The following ABCA3 variants were observed in gnomAD, a reference collection of about 807,000 sequenced individuals.
The protein encoded by ABCA3 is phospholipid-transporting ATPase ABCA3.
ABCA3 carries 88 observed loss-of-function variants against 172.8 expected under a neutral mutation model. The ratio of observed to expected loss-of-function variants is 0.51; its 90% CI spans 0.43 to 0.61. ABCA3 has a LOEUF of 0.61. Ranked by LOEUF, ABCA3 falls within the 20% of genes least tolerant of loss-of-function variation. ABCA3 has a pLI of 0.00. For missense variants in ABCA3, 2,164 were observed against 2,301.0 expected (o/e 0.94, Z 1.22); for synonymous variants, 1,066 against 983.8 (o/e 1.08, Z -1.56).
intron 12 of ABCA3, among the ~76,000 whole-genome samples, chr16:2,301,038 G>A (rs1277754299): frequency 6.7e-6 from 1 of 150,116 alleles, no homozygotes; most frequent in African/African-American, 2.5e-5. Flanking sequence ...AGACCATCCT[G>A]GCTAACACGG....
At chr16:2,291,327 A>G (rs927173745) in intron 19 of ABCA3, among the ~76,000 whole-genome samples, 1 of 151,694 alleles carries the variant, frequency 6.6e-6, no homozygotes, top group African/African-American at 2.4e-5. Context: ...CTCTGTCTCA[A>G]AAAAAAAGAG....
intron 11 of ABCA3, among the ~76,000 whole-genome samples, chr16:2,304,437 A>T (rs1490180244): frequency 6.6e-6 from 1 of 151,872 alleles, no homozygotes; most frequent in Non-Finnish European, 1.5e-5. Flanking sequence ...ACACACGTAC[A>T]TATGCACCCA....
In ABCA3 at chr16:2,317,687, G is replaced by A. The variant is rs149720064; in HGVS notation, c.951C>T (p.Leu317=). 137 of 1,614,128 alleles carry A rather than the reference G, an allele frequency of 8.5e-5. No individual in the cohort carries two copies. The highest frequency in any genetic ancestry group is 1.1e-4 in the Non-Finnish European group (129 of 1,180,050). ...GCAGGGTCATGAAGGAGGCGGCGAT[G>A]AGGAGGAAGAGGAAGAACAAGAGGA... ...AWFLLFFLFL[L]IAASFMTLLF... The change falls in exon 9 of 33, where the codon CTC becomes CTT. Residue 317 remains leucine (L), a synonymous_variant. Coordinates refer to ENST00000301732, the MANE Select transcript of ABCA3 (RefSeq NM_001089.3).
chr16:2,332,473 G>T, intron 1 of ABCA3: 1 of 966,926 alleles, frequency 1.0e-6, no homozygotes, highest in Non-Finnish European at 1.6e-6. Flanking sequence ...CTGGTAATAG[G>T]CCACCAGGGC....
intron 28 of ABCA3, among the ~76,000 whole-genome samples, chr16:2,280,163 C>T (rs1367109240): frequency 3.9e-5 from 6 of 152,252 alleles, no homozygotes; most frequent in African/African-American, 1.4e-4. Flanking sequence ...GTACTGGGGA[C>T]TTCTCACCCT....
chr16:2,307,242 G>C (rs1264440508), intron 11 of ABCA3, among the ~76,000 whole-genome samples: 2 of 152,126 alleles, frequency 1.3e-5, no homozygotes, highest in East Asian at 3.9e-4. Context: ...CCTTTACCAA[G>C]AGCAGTGGTT....
chr16:2,328,124 G>GAA (rs5815118), intron 3 of ABCA3, among the ~76,000 whole-genome samples: 12 of 152,170 alleles, frequency 7.9e-5, no homozygotes, highest in African/African-American at 2.9e-4. Flanking sequence ...ATATAATGGG[G>GAA]AAAAAAATCT....
In ABCA3 at chr16:2,300,009, G is replaced by T. The variant is rs2093686445; in HGVS notation, c.1607C>A (p.Ser536Tyr). 6.2e-7 allele frequency: 1 copy of T among 1,613,026 alleles called. No individual in the cohort carries two copies. The change falls in exon 13 of 33, where the codon TCC (serine) becomes TAC (tyrosine). Residue 536 changes from serine (S) to tyrosine (Y), a missense_variant. Ser to Tyr is a moderately radical substitution (Grantham distance 144, BLOSUM62 -2). This residue lies in a region of ABCA3 where 1,343 missense variants were observed against 1,369.6 expected (regional missense o/e 0.98). Coordinates refer to ENST00000301732, the MANE Select transcript of ABCA3 (RefSeq NM_001089.3). ...LVAGIKIKHL[S>Y]KVFRVGNKDR... ...TGTCCCCACAGGAGGCGGCACCTTG[G>T]ACAGGTGCTTGATCTTGATCCCCGC...
In ABCA3 at chr16:2,306,337, G is replaced by T. The variant is rs2093697530; in HGVS notation, c.1285+2113C>A. Among the ~76,000 whole-genome samples the T allele has an allele frequency of 3.3e-5, 5 of 152,174 alleles. No individual in the cohort carries two copies. In the South Asian group the frequency reaches 1.0e-3, roughly 32 times the overall value. ...AAGACCCTATCTCCAAAAAAAAATTGTTAAAAAGAAAGCAAAAGAACAAAG... is the reference window on the plus strand; with the variant it reads ...AAGACCCTATCTCCAAAAAAAAATTTTTAAAAAGAAAGCAAAAGAACAAAG... On this transcript the variant is annotated intron_variant, in intron 11 of 32. Coordinates refer to ENST00000301732, the MANE Select transcript of ABCA3 (RefSeq NM_001089.3).
At position 2,285,403 on chromosome 16, in the gene ABCA3, G is replaced by A. The variant is rs540923609; in HGVS notation, c.3483+39C>T. On this transcript the variant is annotated intron_variant, in intron 23 of 32. Transcript: ENST00000301732. The surrounding 1 kb of genome is among the most constrained non-coding windows in gnomAD (Gnocchi z 4.7). ...GGGGTCCCAGGGCAAGCCCTCTGCG[G>A]TCTGCAGGGGAACGGATCCAGCACC... is the stretch of plus-strand genomic sequence containing the variant. 1.0e-4 allele frequency: 160 copies of A among 1,573,752 alleles called. No homozygotes were observed. In the South Asian group the frequency reaches 1.7e-3, roughly 17 times the overall value.
chr16:2,331,812 T>A (rs1010958651), intron 1 of ABCA3, among the ~76,000 whole-genome samples: 1 of 152,110 alleles, frequency 6.6e-6, no homozygotes, highest in African/African-American at 2.4e-5. Flanking sequence ...CACTCAGGAC[T>A]CCAGCCACTC....
At chr16:2,300,196 A>T (rs760839243) in intron 12 of ABCA3, 48 bp from the exon 13 acceptor site, 1 of 1,611,490 alleles carries the variant, frequency 6.2e-7, no homozygotes, top group Admixed American at 1.7e-5. Flanking sequence ...TGTGACGAGC[A>T]AAGCAACAAC....
chr16:2,301,335 C>T (rs542008577), intron 12 of ABCA3, among the ~76,000 whole-genome samples: 33 of 152,158 alleles, frequency 2.2e-4, no homozygotes, highest in Non-Finnish European at 4.6e-4. Flanking sequence ...TTACCTCTAA[C>T]GGTCAGTGTC....
chr16:2,307,077 T>C (rs920389741), intron 11 of ABCA3, among the ~76,000 whole-genome samples: 2 of 149,962 alleles, frequency 1.3e-5, no homozygotes, highest in Non-Finnish European at 3.0e-5. Context: ...GATGATGCCA[T>C]TGCACTCCAG....
intron 1 of ABCA3, among the ~76,000 whole-genome samples, chr16:2,330,697 CTTTT>C (rs35782536): frequency 6.3e-5 from 5 of 79,178 alleles, no homozygotes; most frequent in East Asian, 3.8e-4. Flanking sequence ...CAACACCACC[CTTTT>C]TTTTTTTTTT....
At chr16:2,301,910 G>A (rs1013604296) in intron 12 of ABCA3, among the ~76,000 whole-genome samples, 3 of 152,198 alleles carry the variant, frequency 2.0e-5, no homozygotes, top group South Asian at 2.1e-4. Context: ...AATGTAACAC[G>A]TCCATAATGG....
At position 2,276,786 on chromosome 16, in the gene ABCA3, T is replaced by A; in HGVS notation, c.5003A>T (p.Lys1668Ile). ...SWAKVFGILE[K>I]AKEKYGVDDY... ...GTCCACGCCGTACTTTTCCTTGGCT[T>A]TCTCCAGAATACCGAAAACCTTTGG... Residue 1668 changes from lysine to isoleucine, a missense_variant, in exon 33 of 33, where the codon AAA becomes ATA. Around this residue, in one of 3 missense-constraint regions of ABCA3, gnomAD observed 795 missense variants for 881.9 expected, o/e 0.90. Transcript: ENST00000301732. 6.2e-7 allele frequency: 1 copy of A among 1,613,910 alleles called. No homozygotes were observed. Among genetic ancestry groups the A allele is most frequent in the Non-Finnish European group, 8.5e-7 (1 of 1,180,034 alleles).
intron 10 of ABCA3, among the ~76,000 whole-genome samples, chr16:2,315,531 C>T (rs951293484): frequency 6.6e-6 from 1 of 151,696 alleles, no homozygotes; most frequent in Non-Finnish European, 1.5e-5. Flanking sequence ...TACCAATGCC[C>T]ACTAGAAGAA....
In ABCA3 at chr16:2,297,452, G is replaced by A. The variant is rs867072001; in HGVS notation, c.2140C>T (p.Arg714Cys). The A allele has an allele frequency of 1.4e-5, 22 of 1,613,658 alleles. No individual in the cohort carries two copies. Among genetic ancestry groups the A allele is most frequent in the Middle Eastern group, 1.7e-4 (1 of 6,020 alleles). ...WDLLQRQKSD[R>C]TIVLTTHFMD... Reference sequence around the variant, plus strand: ...AAGTGGGTGGTCAGCACGATGGTGCGGTCACTTTTCTGCCGCTGAAGAAGA... The same window carrying A: ...AAGTGGGTGGTCAGCACGATGGTGCAGTCACTTTTCTGCCGCTGAAGAAGA... The change falls in exon 17 of 33, where the codon CGC becomes TGC. Residue 714 changes from arginine to cysteine, a missense_variant. Transcript: ENST00000301732. The surrounding 1 kb of genome is among the most constrained non-coding windows in gnomAD (Gnocchi z 5.6).
Sources: gnomAD v4.1 joint callset for allele counts (sites outside exome capture counted in the v4.1 genomes callset) on GRCh38, gnomAD v4.1.1 for gene constraint, gnomAD v4.1.1 regional missense constraint, Gnocchi (gnomAD v3.1) non-coding constraint, MANE v1.5 for transcripts, NCBI Gene and HGNC (gene_info 2026-07-23, HGNC 2026-07-21) for gene names.